KDM5A: variants seen among roughly 807,000 people sequenced by gnomAD.
The protein encoded by KDM5A is lysine demethylase 5A.
KDM5A carries 42 observed loss-of-function variants against 193.5 expected under a neutral mutation model. The ratio of observed to expected loss-of-function variants is 0.22; its 90% CI spans 0.17 to 0.28. The LOEUF (loss-of-function observed/expected upper bound fraction) is 0.28. Among genes scored for constraint, KDM5A ranks in the 10% least tolerant of loss-of-function variants. The probability of loss-of-function intolerance (pLI) is 1.00; values close to 1 mark genes in which losing one functional copy is unlikely to be tolerated. For missense variants in KDM5A, 1,692 were observed against 2,055.1 expected, an observed-to-expected ratio of 0.82 and a Z score of 3.42; for synonymous variants, 796 against 718.1, an observed-to-expected ratio of 1.11 and a Z score of -1.73.
At position 307,908 on chromosome 12, in the gene KDM5A, T is replaced by A; in HGVS notation, c.3476A>T (p.Glu1159Val). 6.2e-7 allele frequency: 1 copy of A among 1,614,140 alleles called. No individual in the cohort carries two copies. Among genetic ancestry groups the A allele is most frequent in the Non-Finnish European group, 8.5e-7 (1 of 1,180,022 alleles). ...GCGGCAAATGCAAAATTTTACTTCT[T>A]CTATGCGGTCCACCATTGTCATCTT... is the stretch of plus-strand genomic sequence containing the variant. The part of the protein sequence containing the change: ...LAKMTMVDRI[E>V]EVKFCICRKT... The change falls in exon 23 of 28, where the codon GAA (glutamate) becomes GTA (valine). Residue 1159 changes from glutamate (E) to valine (V), a missense_variant. Physicochemically the swap from Glu to Val is moderately radical, Grantham distance 121. This residue lies in a region of KDM5A where 965 missense variants were observed against 1,061.0 expected (regional missense o/e 0.91). Coordinates refer to ENST00000399788, the MANE Select transcript of KDM5A (RefSeq NM_001042603.3). This position sits in a 1 kb window ranked among gnomAD's most constrained non-coding sequence, Gnocchi z 4.3.
In KDM5A at chr12:328,821, C is replaced by T; in HGVS notation, c.1968+14G>A. The T allele has an allele frequency of 6.2e-7, 1 of 1,612,486 alleles. No homozygotes were observed. The highest frequency in any genetic ancestry group is 8.5e-7 in the Non-Finnish European group (1 of 1,179,446). The stretch of plus-strand genomic sequence containing the variant: ...AGCAGTATCAAACATAGAAAATGTG[C>T]TCAGCAAACTCACCATCTGTACAAC... On this transcript the variant is annotated intron_variant, in intron 14 of 27. Coordinates refer to ENST00000399788, the MANE Select transcript of KDM5A (RefSeq NM_001042603.3).
chr12:337,646 C>CTTT (rs61446610), intron 10 of KDM5A, among the ~76,000 whole-genome samples: 1 of 140,694 alleles, frequency 7.1e-6, no homozygotes, highest in African/African-American at 2.6e-5. Context: ...TATTTCTAAA[C>CTTT]TTTTTTTTTT....
At chr12:373,405 T>A (rs1410887933) in intron 3 of KDM5A, among the ~76,000 whole-genome samples, 1 of 152,232 alleles carries the variant, frequency 6.6e-6, no homozygotes, top group African/African-American at 2.4e-5. Flanking sequence ...CTGATGGTAG[T>A]TTGTATTTCT....
chr12:348,678 A>G (rs7132845), intron 10 of KDM5A, among the ~76,000 whole-genome samples: 65,831 of 151,162 alleles, frequency 0.44, 17,218 homozygotes, highest in African/African-American at 0.73. Context: ...ACCAAAAACC[A>G]CGTGTTCTCA....
intron 10 of KDM5A, among the ~76,000 whole-genome samples, chr12:338,112 G>A (rs558761994): frequency 6.6e-6 from 1 of 152,316 alleles, no homozygotes; most frequent in African/African-American, 2.4e-5. Flanking sequence ...CAGCAGGCCT[G>A]AGACTGGTGT....
chr12:315,138 GA>G (rs1943635611), intron 19 of KDM5A, among the ~76,000 whole-genome samples: 2 of 152,150 alleles, frequency 1.3e-5, no homozygotes, highest in Admixed American at 6.5e-5. Flanking sequence ...TGGAATGAGA[GA>G]AAAAGAAGGA....
intron 24 of KDM5A, among the ~76,000 whole-genome samples, chr12:304,323 G>A (rs1421901436): frequency 6.6e-6 from 1 of 152,048 alleles, no homozygotes; most frequent in East Asian, 1.9e-4. Context: ...ATGAATTTAT[G>A]GTCACAACAG....
chr12:343,145 C>G (rs559985556), intron 10 of KDM5A, among the ~76,000 whole-genome samples: 2 of 152,312 alleles, frequency 1.3e-5, no homozygotes, highest in Non-Finnish European at 2.9e-5. Context: ...TCCGCAGGTC[C>G]CACACCCACA....
At chr12:373,036 T>C (rs902756177) in intron 3 of KDM5A, among the ~76,000 whole-genome samples, 10 of 152,216 alleles carry the variant, frequency 6.6e-5, no homozygotes, top group Non-Finnish European at 1.3e-4. Context: ...TCATCAGGGA[T>C]ATTGGTCTAA....
chr12:342,774 TAA>T (rs78058969), intron 10 of KDM5A, among the ~76,000 whole-genome samples: 15 of 126,732 alleles, frequency 1.2e-4, no homozygotes, highest in Non-Finnish European at 1.2e-4. Flanking sequence ...AAATGTGATT[TAA>T]AAAAAAAAAA....
intron 27 of KDM5A, among the ~76,000 whole-genome samples, chr12:291,025 CTCT>C (rs879270306): frequency 2.2e-4 from 33 of 152,168 alleles, no homozygotes; most frequent in South Asian, 8.3e-4. Context: ...AGAAAGTTAA[CTCT>C]TCATCAGCCT....
At chr12:350,832 C>T in intron 9 of KDM5A, 53 bp from the exon 10 acceptor site, 4 of 1,477,522 alleles carry the variant, frequency 2.7e-6, no homozygotes, top group Non-Finnish European at 2.8e-6. Flanking sequence ...AACTATAACC[C>T]ATATAACATA....
intron 22 of KDM5A, 37 bp from the exon 23 acceptor site, chr12:308,042 G>T: frequency 6.3e-7 from 1 of 1,578,042 alleles, no homozygotes; most frequent in Non-Finnish European, 8.7e-7. Context: ...AAGAGTCACT[G>T]CAATATACCC....
At chr12:349,380 G>A (rs1399629303) in intron 10 of KDM5A, among the ~76,000 whole-genome samples, 1 of 148,668 alleles carries the variant, frequency 6.7e-6, no homozygotes, top group African/African-American at 2.5e-5. Flanking sequence ...ACCCAGGCTG[G>A]AGTGCAGTGG....
chr12:373,399 T>A (rs1391215660), intron 3 of KDM5A, among the ~76,000 whole-genome samples: 4 of 152,230 alleles, frequency 2.6e-5, no homozygotes, highest in African/African-American at 7.2e-5. Context: ...TATTCTCTGA[T>A]GGTAGTTTGT....
chr12:301,396 T>A (rs767330153), intron 24 of KDM5A, among the ~76,000 whole-genome samples: 14 of 152,210 alleles, frequency 9.2e-5, no homozygotes, highest in Non-Finnish European at 1.8e-4. Flanking sequence ...ATAAACGTAA[T>A]CCATCACATA....
At chr12:287,064 C>T (rs996879314) in intron 27 of KDM5A, among the ~76,000 whole-genome samples, 3 of 152,168 alleles carry the variant, frequency 2.0e-5, no homozygotes, top group Admixed American at 6.5e-5. Context: ...ACCTAATTCA[C>T]TGCCCAGGAT....
intron 20 of KDM5A, 71 bp from the exon 21 acceptor site, chr12:311,135 C>T: frequency 1.4e-6 from 2 of 1,383,146 alleles, no homozygotes; most frequent in Non-Finnish European, 1.0e-6. Flanking sequence ...GTTGAAAGAC[C>T]TTACAAAGTT....
At position 313,191 on chromosome 12, in the gene KDM5A, C is replaced by T. The variant is rs144276601; in HGVS notation, c.2901G>A (p.Pro967=). The change falls in exon 20 of 28, where the codon CCG becomes CCA. Residue 967 remains proline (P), a synonymous_variant. Coordinates refer to ENST00000399788, the MANE Select transcript of KDM5A (RefSeq NM_001042603.3). ...TTTCTAAACTTGCCACACTGTGCCTCGGTCTAAAAGAACAATAAAAACAGA... is the reference window on the plus strand; with the variant it reads ...TTTCTAAACTTGCCACACTGTGCCTTGGTCTAAAAGAACAATAAAAACAGA... ...EKAKVCLQAR[P]RHSVASLESI... 2.5e-6 allele frequency: 4 copies of T among 1,613,968 alleles called. No individual in the cohort carries two copies. The highest frequency in any genetic ancestry group is 2.2e-5 in the East Asian group (1 of 44,858).
Sources: allele counts gnomAD v4.1 joint callset (sites outside exome capture counted in the v4.1 genomes callset), GRCh38; gene constraint gnomAD v4.1.1; regional missense constraint gnomAD v4.1.1; non-coding constraint Gnocchi (gnomAD v3.1); transcripts MANE v1.5; gene names NCBI Gene and HGNC (gene_info 2026-07-23, HGNC 2026-07-21).